ILDR1: variants seen among roughly 807,000 people sequenced by gnomAD.
ILDR1 encodes the protein immunoglobulin like domain containing receptor 1, also known as immunoglobulin-like domain-containing receptor 1.
A neutral mutation model predicts 62.4 loss-of-function variants in ILDR1; 56 were observed. The ratio of observed to expected loss-of-function variants is 0.90; its 90% confidence interval spans 0.72 to 1.12. The LOEUF (loss-of-function observed/expected upper bound fraction) is 1.12, where lower values mean the gene tolerates loss of function less well. ILDR1 is among the 50% of genes most tolerant of loss of function. ILDR1 has a pLI of 0.00. For synonymous variants in ILDR1, 284 were observed against 277.8 expected (o/e 1.02, Z -0.22); for missense variants, 736 against 710.6 (o/e 1.04, Z -0.41).
chr3:122,049,888 CCTT>C, the ILDR1 span, among the ~76,000 whole-genome samples: 2 of 152,128 alleles, frequency 1.3e-5, no homozygotes, highest in African/African-American at 4.8e-5. Flanking sequence ...CTCTTTTTGT[CCTT>C]CTTCCACCAT....
At chr3:122,021,965 C>T (rs2071862574) in intron 1 of ILDR1, 55 bp downstream of exon 1, 2 of 1,545,988 alleles carry the variant, frequency 1.3e-6, no homozygotes, top group East Asian at 4.7e-5. Context: ...GGCCACGCCA[C>T]AATGGCTTCC....
intron 5 of ILDR1, among the ~76,000 whole-genome samples, chr3:122,000,257 A>G (rs970682183): frequency 6.6e-5 from 10 of 151,646 alleles, no homozygotes; most frequent in African/African-American, 2.4e-4. Context: ...AAGGAGGAAA[A>G]AAAAAAAAAA....
At chr3:122,013,675 G>C (rs139012585) in intron 1 of ILDR1, among the ~76,000 whole-genome samples, 81 of 152,204 alleles carry the variant, frequency 5.3e-4, no homozygotes, top group African/African-American at 1.6e-3. Flanking sequence ...ACTAGCTATG[G>C]ACAAGAAGAG....
At chr3:122,042,677 G>A in the ILDR1 span, among the ~76,000 whole-genome samples, 2 of 152,148 alleles carry the variant, frequency 1.3e-5, no homozygotes, top group Non-Finnish European at 2.9e-5. Flanking sequence ...GTGATGATGA[G>A]CATTTTTTCA....
chr3:122,034,199 G>T, the ILDR1 span, among the ~76,000 whole-genome samples: 3 of 152,144 alleles, frequency 2.0e-5, no homozygotes, highest in African/African-American at 7.2e-5. Context: ...AGGTACAGTT[G>T]ATTTTTAAAT....
chr3:122,011,677 T>TCACACACCCACACACACACACACACACA (rs2071705786), intron 1 of ILDR1, among the ~76,000 whole-genome samples: 1 of 133,138 alleles, frequency 7.5e-6, no homozygotes, highest in Non-Finnish European at 1.6e-5. Context: ...TCTCTCTCTT[T>TCACACACCCACACACACACACACACACA]CACACACACA....
the ILDR1 span, among the ~76,000 whole-genome samples, chr3:122,033,726 C>T: frequency 2.1e-4 from 32 of 152,254 alleles, no homozygotes; most frequent in Middle Eastern, 3.4e-3. Context: ...TTTCTGAGCA[C>T]ATTTTCATTG....
intron 3 of ILDR1, among the ~76,000 whole-genome samples, 169 bp downstream of exon 3, chr3:122,005,075 G>T (rs2071583614): frequency 6.6e-6 from 1 of 152,178 alleles, no homozygotes; most frequent in Non-Finnish European, 1.5e-5. Flanking sequence ...CACTTCAGCT[G>T]GTGCAGCACA....
At chr3:122,060,255 G>T in the ILDR1 span, among the ~76,000 whole-genome samples, 1 of 152,200 alleles carries the variant, frequency 6.6e-6, no homozygotes, top group Non-Finnish European at 1.5e-5. Flanking sequence ...GAGAATGACT[G>T]AAAATGTCAG....
the ILDR1 span, among the ~76,000 whole-genome samples, chr3:122,041,274 G>T: frequency 6.6e-6 from 1 of 152,214 alleles, no homozygotes; most frequent in Non-Finnish European, 1.5e-5. Flanking sequence ...ATGAATGGAT[G>T]AATGTCATTA....
At chr3:122,004,186 C>T (rs574441252) in intron 3 of ILDR1, among the ~76,000 whole-genome samples, 12 of 152,312 alleles carry the variant, frequency 7.9e-5, no homozygotes, top group African/African-American at 2.9e-4. Context: ...GTGTATTCTT[C>T]CCTTTTTCCC....
At chr3:122,030,623 T>TTTTCTCTC in the ILDR1 span, among the ~76,000 whole-genome samples, 54 of 147,634 alleles carry the variant, frequency 3.7e-4, 1 homozygote, top group African/African-American at 1.3e-3. Flanking sequence ...GCAAGGGTTT[T>TTTTCTCTC]TCTCTCTCTC....
rs549725572 is a variant in ILDR1 at position 122,021,533 on chromosome 3, C to T, written c.58+487G>A. 9.7e-4 allele frequency among the ~76,000 whole-genome samples: 148 copies of T among 152,236 alleles called. 1 individual carries two copies. The highest frequency in any genetic ancestry group is 5.7e-4 in the Non-Finnish European group (39 of 68,014). On this transcript the variant is annotated intron_variant, in intron 1 of 7. Coordinates refer to ENST00000344209, the MANE Select transcript of ILDR1 (RefSeq NM_001199799.2). ...AAAAGTGACATTGAACATGGTTAGCCCAGAAGTACATGTTGTGGTCCTGCA... is the reference window on the plus strand; with the variant it reads ...AAAAGTGACATTGAACATGGTTAGCTCAGAAGTACATGTTGTGGTCCTGCA...
At chr3:122,017,690 TTACAAGAAAAAAGCAA>T (rs2107678425) in intron 1 of ILDR1, among the ~76,000 whole-genome samples, 1 of 152,044 alleles carries the variant, frequency 6.6e-6, no homozygotes, top group African/African-American at 2.4e-5. Flanking sequence ...TTAAACAAAT[TTACAAGAAAAAAGCAA>T]ACAACCCCAT....
the ILDR1 span, among the ~76,000 whole-genome samples, chr3:122,050,148 G>A: frequency 0.013 from 1,948 of 152,270 alleles, 36 homozygotes; most frequent in African/African-American, 0.044. Context: ...CAGCCTATGT[G>A]TGTTCTTAAA....
At chr3:122,046,824 A>T in the ILDR1 span, among the ~76,000 whole-genome samples, 11 of 133,338 alleles carry the variant, frequency 8.2e-5, no homozygotes, top group African/African-American at 2.8e-4. Context: ...ATTCTTCTAA[A>T]TTTTTTTCAA....
intron 3 of ILDR1, 28 bp downstream of exon 3, chr3:122,005,216 G>T (rs1334771292): frequency 1.4e-5 from 9 of 641,190 alleles, no homozygotes; most frequent in South Asian, 3.3e-5. Context: ...CCCACCCCCA[G>T]TTCCCCTGAC....
At chr3:122,023,960 G>A (rs2071899640), upstream of ILDR1, among the ~76,000 whole-genome samples, 1 of 151,960 alleles carries the variant, frequency 6.6e-6, no homozygotes, top group African/African-American at 2.4e-5. Context: ...AATAGTCTTC[G>A]GCAAGTGCTC....
At chr3:121,989,702 T>C (rs540974971) in intron 7 of ILDR1, among the ~76,000 whole-genome samples, 2 of 152,200 alleles carry the variant, frequency 1.3e-5, no homozygotes, top group Non-Finnish European at 2.9e-5. Flanking sequence ...CCACCAGACC[T>C]GAATTGAGAA....
Sources: gnomAD v4.1 joint callset for allele counts (sites outside exome capture counted in the v4.1 genomes callset) on GRCh38, gnomAD v4.1.1 for gene constraint, MANE v1.5 for transcripts, NCBI Gene and HGNC (gene_info 2026-07-23, HGNC 2026-07-21) for gene names.